Variants in SYT16 observed in about 807,000 individuals in gnomAD.
SYT16 encodes the protein synaptotagmin 16.
A neutral mutation model predicts 61.4 loss-of-function variants in SYT16; 42 were observed. The ratio of observed to expected loss-of-function variants is 0.68; its 90% CI spans 0.53 to 0.89. SYT16 has a LOEUF of 0.89. SYT16 is among the 40% of genes least tolerant of loss of function. SYT16 has a pLI of 0.00. For synonymous variants in SYT16, 314 were observed against 302.3 expected (o/e 1.04, Z -0.40); for missense variants, 804 against 807.3 (o/e 1.00, Z 0.05).
chr14:62,059,670 C>CATATATATAATTTATATATATGTATATAT (rs2055730072), intron 3 of SYT16, among the ~76,000 whole-genome samples: 2 of 114,354 alleles, frequency 1.7e-5, no homozygotes, highest in Non-Finnish European at 3.2e-5. Flanking sequence ...GTAATTGATA[C>CATATATATAATTTATATATATGTATATAT]ATATATATAA....
chr14:61,975,106 C>T (rs964181193), intron 2 of SYT16, among the ~76,000 whole-genome samples: 2 of 152,186 alleles, frequency 1.3e-5, no homozygotes, highest in Non-Finnish European at 2.9e-5. Context: ...CCTGCACTTA[C>T]AATGGTGTTA....
At chr14:61,856,860 C>CT (rs2046791078) in intron 1 of SYT16, among the ~76,000 whole-genome samples, 1 of 152,038 alleles carries the variant, frequency 6.6e-6, no homozygotes, top group South Asian at 2.1e-4. Flanking sequence ...GGAGGAAGAC[C>CT]TAGCAGGGAT....
At chr14:62,013,401 T>G (rs1377479182) in intron 3 of SYT16, among the ~76,000 whole-genome samples, 1 of 152,144 alleles carries the variant, frequency 6.6e-6, no homozygotes, top group African/African-American at 2.4e-5. Context: ...AATGAAAAAA[T>G]TCCTGGGCAT....
intron 1 of SYT16, among the ~76,000 whole-genome samples, chr14:61,959,226 A>G (rs1285909609): frequency 6.6e-6 from 1 of 152,096 alleles, no homozygotes; most frequent in African/African-American, 2.4e-5. Context: ...TATGTCTTTT[A>G]ATTGGAACAT....
chr14:61,922,272 G>A (rs1410737837), intron 1 of SYT16, among the ~76,000 whole-genome samples: 3 of 152,154 alleles, frequency 2.0e-5, no homozygotes, highest in Non-Finnish European at 2.9e-5. Context: ...GTAAAGACAT[G>A]GAATCAACCT....
At chr14:62,097,326 G>T (rs1005801884) in intron 7 of SYT16, among the ~76,000 whole-genome samples, 1 of 152,236 alleles carries the variant, frequency 6.6e-6, no homozygotes, top group Non-Finnish European at 1.5e-5. Context: ...AAAGCTTTCT[G>T]AATCACCACC....
intron 1 of SYT16, among the ~76,000 whole-genome samples, chr14:61,873,186 C>A (rs1373423684): frequency 6.6e-6 from 1 of 152,168 alleles, no homozygotes; most frequent in African/African-American, 2.4e-5. Flanking sequence ...TATATGATCT[C>A]AAATAGTCCC....
At chr14:61,850,682 C>T (rs1319098375) in intron 1 of SYT16, among the ~76,000 whole-genome samples, 1 of 152,104 alleles carries the variant, frequency 6.6e-6, no homozygotes, top group African/African-American at 2.4e-5. Context: ...ATGCATTCAA[C>T]AAAAATCTAT....
At chr14:61,814,675 C>A (rs975672345) in intron 1 of SYT16, among the ~76,000 whole-genome samples, 1 of 152,172 alleles carries the variant, frequency 6.6e-6, no homozygotes, top group Non-Finnish European at 1.5e-5. Flanking sequence ...GTTTTTTAGG[C>A]TCAATCTTAT....
At chr14:61,987,476 G>A (rs1300500689) in intron 2 of SYT16, among the ~76,000 whole-genome samples, 2 of 152,172 alleles carry the variant, frequency 1.3e-5, no homozygotes, top group Non-Finnish European at 2.9e-5. Flanking sequence ...AGAGACTGTT[G>A]AAGTGGTTCA....
intron 3 of SYT16, among the ~76,000 whole-genome samples, chr14:62,012,232 T>C (rs1306832621): frequency 2.0e-5 from 3 of 152,246 alleles, no homozygotes; most frequent in South Asian, 2.1e-4. Context: ...TGCATCCTCA[T>C]CTGGAAGTTT....
At position 61,996,457 on chromosome 14, in the gene SYT16, C is replaced by T. The variant is rs200774034; in HGVS notation, c.438C>T (p.His146=). The change falls in exon 3 of 8, where the codon CAC becomes CAT. Residue 146 remains histidine, a synonymous_variant. Coordinates refer to ENST00000683842, the MANE Select transcript of SYT16 (RefSeq NM_001367656.1). ...VLSSIAEEEH[H]LEKQRSGLQH... The stretch of plus-strand genomic sequence containing the variant: ...CTTCTATTGCGGAGGAAGAGCATCA[C>T]CTTGAAAAGCAAAGAAGTGGCCTTC... 3 of 1,613,358 alleles carry T rather than the reference C, an allele frequency of 1.9e-6. No homozygotes were observed. The African/African-American group carries it at 4.0e-5, about 22-fold the overall frequency.
chr14:61,814,171 A>G (rs528800646), intron 1 of SYT16, among the ~76,000 whole-genome samples: 46 of 152,286 alleles, frequency 3.0e-4, no homozygotes, highest in African/African-American at 8.9e-4. Flanking sequence ...CCTCCTTTTT[A>G]AAGAGAAAAA....
chr14:61,971,735 A>C (rs903362855), intron 2 of SYT16, among the ~76,000 whole-genome samples: 4 of 152,254 alleles, frequency 2.6e-5, no homozygotes, highest in African/African-American at 7.2e-5. Context: ...GAGAGGTGTA[A>C]ATTGCAGATT....
intron 1 of SYT16, among the ~76,000 whole-genome samples, chr14:61,854,169 A>T (rs532189679): frequency 3.3e-5 from 5 of 152,166 alleles, no homozygotes; most frequent in African/African-American, 1.2e-4. Context: ...TTCCAGAGAT[A>T]TACTTGTGAG....
At chr14:62,048,578 A>G (rs1007270555) in intron 3 of SYT16, among the ~76,000 whole-genome samples, 1 of 152,142 alleles carries the variant, frequency 6.6e-6, no homozygotes, top group East Asian at 1.9e-4. Flanking sequence ...TAGGGTGTCA[A>G]TTTTAAATCT....
chr14:61,890,256 C>T (rs1014352454), intron 1 of SYT16, among the ~76,000 whole-genome samples: 5 of 152,134 alleles, frequency 3.3e-5, no homozygotes, highest in African/African-American at 1.2e-4. Context: ...GACTGCCACC[C>T]TGGACAAAAG....
At chr14:62,057,468 G>C (rs559436933) in intron 3 of SYT16, among the ~76,000 whole-genome samples, 9 of 152,222 alleles carry the variant, frequency 5.9e-5, no homozygotes, top group African/African-American at 1.9e-4. Context: ...TAAGCTCTCG[G>C]CTGGATTTAA....
In SYT16 at chr14:61,909,251, A is replaced by G. The variant is rs542899040; in HGVS notation, c.-324-60881A>G. 3.3e-4 allele frequency among the ~76,000 whole-genome samples: 51 copies of G among 152,328 alleles called. No homozygotes were observed. In the South Asian group the frequency reaches 9.9e-3, roughly 30 times the overall value. On this transcript the variant is annotated intron_variant, in intron 1 of 7. Coordinates refer to ENST00000683842, the MANE Select transcript of SYT16 (RefSeq NM_001367656.1). ...ATTTTAAAACTCCACAAGAGATACT[A>G]TTCCATCATGTATAGTGCATATACT...
Sources: gnomAD v4.1 joint callset for allele counts (sites outside exome capture counted in the v4.1 genomes callset) on GRCh38, gnomAD v4.1.1 for gene constraint, MANE v1.5 for transcripts, NCBI Gene and HGNC (gene_info 2026-07-23, HGNC 2026-07-21) for gene names.